MS4A14: variants seen among roughly 807,000 people sequenced by gnomAD.
MS4A14 encodes the protein membrane-spanning 4-domains subfamily A member 14.
A neutral mutation model predicts 16.7 loss-of-function variants in MS4A14; 18 were observed. That is an observed-to-expected ratio of 1.08 (90% CI 0.75 to 1.60). The LOEUF is 1.60. MS4A14 is among the 40% of genes most tolerant of loss of function. The probability of loss-of-function intolerance (pLI) is 0.00; values close to 1 mark genes in which losing one functional copy is unlikely to be tolerated. For synonymous variants in MS4A14, 305 were observed against 289.4 expected (o/e 1.05, Z -0.55); for missense variants, 812 against 775.3 (o/e 1.05, Z -0.56).
At position 60,402,175 on chromosome 11, in the gene MS4A14, C is replaced by T. The variant is rs547394732; in HGVS notation, c.319-737C>T. On this transcript the variant is annotated intron_variant, in intron 3 of 4. Transcript: ENST00000300187. ...ATACCTACCCCACCCACCCACACCC[C>T]CCTCCAAAAAAATAAGAATGAATAA... Among the ~76,000 whole-genome samples, 12 of 152,032 alleles carry T rather than the reference C, an allele frequency of 7.9e-5. No homozygotes were observed. The South Asian group carries it at 2.5e-3, about 32-fold the overall frequency.
At chr11:60,403,624 A>C (rs1308692429) in intron 4 of MS4A14, among the ~76,000 whole-genome samples, 2 of 152,238 alleles carry the variant, frequency 1.3e-5, no homozygotes, top group Admixed American at 6.5e-5. Context: ...AAAGCAGATG[A>C]GAGATCTTTT....
Position 60,396,635 on chromosome 11 carries a change from C to T in MS4A14, c.57C>T (p.Asn19=), listed in dbSNP as rs758596032. The T allele has an allele frequency of 2.9e-5, 46 of 1,613,900 alleles. No homozygotes were observed. The highest frequency in any genetic ancestry group is 3.4e-5 in the Non-Finnish European group (40 of 1,179,966). ...RATHVITIKP[N]ETVLTAFPYR... is the part of the protein sequence containing the mutation. ...CTCACGTCATCACTATAAAACCAAA[C>T]GAAACTGTATTGACTGCATTTCCCT... The change falls in exon 1 of 5, where the codon AAC becomes AAT. Residue 19 remains asparagine, a synonymous_variant. Transcript: ENST00000300187.
chr11:60,398,129 T>TACTAG, intron 2 of MS4A14, 149 bp downstream of exon 2: 1 of 679,556 alleles, frequency 1.5e-6, no homozygotes, highest in Admixed American at 3.0e-5. Context: ...GCAACTCCAT[T>TACTAG]TGGTCACTGC....
intron 4 of MS4A14, chr11:60,406,035 C>T: frequency 8.3e-7 from 1 of 1,204,810 alleles, no homozygotes; most frequent in Non-Finnish European, 1.1e-6. Context: ...GGTTCCTGTT[C>T]CTGTTGGGAT....
Position 60,416,649 on chromosome 11 carries a change from C to T in MS4A14, c.1681C>T (p.Leu561Phe). The change falls in exon 5 of 5, where the codon CTC becomes TTC. Residue 561 changes from leucine to phenylalanine, a missense_variant. Physicochemically the swap from Leu to Phe is conservative, Grantham distance 22 (BLOSUM62 0). Transcript: ENST00000300187. ...QAQLNQTKEQ[L>F]PDQQAEDQQA... is the part of the protein sequence containing the mutation. ...TCAACTTAATCAAACTAAAGAGCAA[C>T]TCCCAGATCAGCAAGCTGAAGATCA... 6.2e-7 allele frequency: 1 copy of T among 1,613,860 alleles called. No homozygotes were observed. The highest frequency in any genetic ancestry group is 8.5e-7 in the Non-Finnish European group (1 of 1,179,958).
Position 60,416,510 on chromosome 11 carries a change from G to T in MS4A14, c.1542G>T (p.Lys514Asn). 1 of 1,613,808 alleles carries T rather than the reference G, an allele frequency of 6.2e-7. No homozygotes were observed. Among genetic ancestry groups the T allele is most frequent in the Non-Finnish European group, 8.5e-7 (1 of 1,179,912 alleles). Residue 514 changes from lysine (K) to asparagine (N), a missense_variant, in exon 5 of 5, where the codon AAG (lysine) becomes AAT (asparagine). Lys to Asn is a moderately conservative substitution (Grantham distance 94). Coordinates refer to ENST00000300187, the MANE Select transcript of MS4A14 (RefSeq NM_032597.5). ...DVQAKGQKSS[K>N]RHSLDQQSKG... ...AAGCCAAAGGCCAGAAATCCTCAAA[G>T]AGGCATTCCTTAGATCAGCAAAGCA...
Position 60,416,655 on chromosome 11 carries a change from G to C in MS4A14, c.1687G>C (p.Asp563His). 6.2e-7 allele frequency: 1 copy of C among 1,613,752 alleles called. No individual in the cohort carries two copies. Among genetic ancestry groups the C allele is most frequent in the Non-Finnish European group, 8.5e-7 (1 of 1,179,928 alleles). The change falls in exon 5 of 5, where the codon GAT becomes CAT. Residue 563 changes from aspartate to histidine, a missense_variant. Coordinates refer to ENST00000300187, the MANE Select transcript of MS4A14 (RefSeq NM_032597.5). Reference protein sequence around the residue: ...QLNQTKEQLPDQQAEDQQAKG... With the variant: ...QLNQTKEQLPHQQAEDQQAKG... ...TAATCAAACTAAAGAGCAACTCCCA[G>C]ATCAGCAAGCTGAAGATCAGCAAGC...
intron 2 of MS4A14, 45 bp downstream of exon 2, chr11:60,398,025 T>C (rs2085655823): frequency 6.2e-7 from 1 of 1,604,174 alleles, no homozygotes; most frequent in African/African-American, 1.3e-5. Flanking sequence ...GCTATAAAGA[T>C]AGATTTGAAC....
At chr11:60,413,783 G>A (rs73481219) in intron 4 of MS4A14, among the ~76,000 whole-genome samples, 9,605 of 152,068 alleles carry the variant, frequency 0.063, 347 homozygotes, top group South Asian at 0.19. Flanking sequence ...CTACATTTAC[G>A]GAGAAATTTC....
intron 4 of MS4A14, among the ~76,000 whole-genome samples, chr11:60,412,500 C>A (rs2085882596): frequency 6.6e-6 from 1 of 151,780 alleles, no homozygotes; most frequent in Admixed American, 6.6e-5. Flanking sequence ...TATACAGTAT[C>A]TGATTTCTTG....
intron 4 of MS4A14, chr11:60,405,786 G>A (rs1337674814): frequency 2.5e-6 from 2 of 793,258 alleles, no homozygotes; most frequent in African/African-American, 3.5e-5. Flanking sequence ...CCAAAATATG[G>A]GTTTCCCATA....
rs2085950246 is a variant in MS4A14, at chr11:60,416,653, C to T, written c.1685C>T (p.Pro562Leu). The T allele has an allele frequency of 1.2e-6, 2 of 1,613,792 alleles. No individual in the cohort carries two copies. The highest frequency in any genetic ancestry group is 2.7e-5 in the African/African-American group (2 of 74,984). Reference protein sequence around the residue: ...AQLNQTKEQLPDQQAEDQQAK... With the variant: ...AQLNQTKEQLLDQQAEDQQAK... ...CTTAATCAAACTAAAGAGCAACTCC[C>T]AGATCAGCAAGCTGAAGATCAGCAA... is the stretch of plus-strand genomic sequence containing the variant. The change falls in exon 5 of 5, where the codon CCA becomes CTA. Residue 562 changes from proline (P) to leucine (L), a missense_variant. Coordinates refer to ENST00000300187, the MANE Select transcript of MS4A14 (RefSeq NM_032597.5).
rs761288448 is a variant in MS4A14, at chr11:60,416,122, T to G, written c.1154T>G (p.Met385Arg). The G allele has an allele frequency of 9.9e-6, 16 of 1,609,948 alleles. No homozygotes were observed. The highest frequency in any genetic ancestry group is 1.3e-5 in the Non-Finnish European group (15 of 1,178,068). ...TCCCAAGATATGCAATCCCTAGATA[T>G]GCTATCTCAAGACACACCATCCCAC... Reference protein sequence around the residue: ...MTSQDMQSLDMLSQDTPSHAM... With the variant: ...MTSQDMQSLDRLSQDTPSHAM... Residue 385 changes from methionine (M) to arginine (R), a missense_variant, in exon 5 of 5, where the codon ATG (methionine) becomes AGG (arginine). Transcript: ENST00000300187.
chr11:60,407,233 C>A (rs1378979803), intron 4 of MS4A14, among the ~76,000 whole-genome samples: 4 of 152,010 alleles, frequency 2.6e-5, no homozygotes, highest in Non-Finnish European at 4.4e-5. Context: ...GTTGCCCAGG[C>A]TGCTCTCAAA....
chr11:60,398,093 A>AG (rs1387847755), intron 2 of MS4A14, 113 bp downstream of exon 2: 1 of 1,152,816 alleles, frequency 8.7e-7, no homozygotes, highest in African/African-American at 1.6e-5. Flanking sequence ...AGACCAAAAA[A>AG]GGCAGCTCCC....
rs770552307 is a variant in MS4A14, at chr11:60,416,376, G to A, written c.1408G>A (p.Glu470Lys). Reference protein sequence around the residue: ...IRSEVMEETKEWKSEEELHRR... With the variant: ...IRSEVMEETKKWKSEEELHRR... ...ATCAGAAGTTATGGAAGAGACCAAA[G>A]AATGGAAATCTGAGGAGGAACTCCA... The change falls in exon 5 of 5, where the codon GAA becomes AAA. Residue 470 changes from glutamate to lysine, a missense_variant. Physicochemically the swap from Glu to Lys is moderately conservative, Grantham distance 56. Transcript: ENST00000300187. The A allele has an allele frequency of 6.2e-7, 1 of 1,613,976 alleles. No homozygotes were observed. Among genetic ancestry groups the A allele is most frequent in the Non-Finnish European group, 8.5e-7 (1 of 1,179,958 alleles).
Position 60,416,295 on chromosome 11 carries a change from GA to G in MS4A14, c.1331del (p.Asn444ThrfsTer45). The G allele has an allele frequency of 1.2e-6, 2 of 1,613,902 alleles. No homozygotes were observed. Among genetic ancestry groups the G allele is most frequent in the Non-Finnish European group, 1.7e-6 (2 of 1,179,940 alleles). On this transcript the variant is annotated frameshift_variant, in exon 5 of 5. Coordinates refer to ENST00000300187, the MANE Select transcript of MS4A14 (RefSeq NM_032597.5). LOFTEE classifies it low-confidence loss of function (END_TRUNC). ...TCAGCAGCCCCCAGATCTTCAACCA[GA>G]AAACACTGAACCTCAAAACCAGCAA... The part of the protein sequence containing the change: ...LLQQPPDLQP[E>X]NTEPQNQQIL...
rs1313088917 is a variant in MS4A14 at position 60,415,985 on chromosome 11, T to G, written c.1017T>G (p.Ser339=). Residue 339 remains serine (S), a synonymous_variant, in exon 5 of 5, where the codon TCT becomes TCG. Coordinates refer to ENST00000300187, the MANE Select transcript of MS4A14 (RefSeq NM_032597.5). ...CAGAACAAACCATGCCATCTAAGTC[T>G]ACATCATCCCATGTCAAACAGTCTT... is the stretch of plus-strand genomic sequence containing the variant. ...GLSEQTMPSK[S]TSSHVKQSSN... is the part of the protein sequence containing the mutation. The G allele has an allele frequency of 6.2e-7, 1 of 1,613,964 alleles. No homozygotes were observed. Among genetic ancestry groups the G allele is most frequent in the Admixed American group, 1.7e-5 (1 of 59,954 alleles).
rs199805024 is a variant in MS4A14 at position 60,416,512 on chromosome 11, G to A, written c.1544G>A (p.Arg515Lys). Residue 515 changes from arginine to lysine, a missense_variant, in exon 5 of 5, where the codon AGG becomes AAG. Physicochemically the swap from Arg to Lys is conservative, Grantham distance 26. Coordinates refer to ENST00000300187, the MANE Select transcript of MS4A14 (RefSeq NM_032597.5). ...GCCAAAGGCCAGAAATCCTCAAAGAGGCATTCCTTAGATCAGCAAAGCAAA... is the reference window on the plus strand; with the variant it reads ...GCCAAAGGCCAGAAATCCTCAAAGAAGCATTCCTTAGATCAGCAAAGCAAA... Reference protein sequence around the residue: ...VQAKGQKSSKRHSLDQQSKGW... With the variant: ...VQAKGQKSSKKHSLDQQSKGW... 6.2e-6 allele frequency: 10 copies of A among 1,613,818 alleles called. No individual in the cohort carries two copies. Among genetic ancestry groups the A allele is most frequent in the Non-Finnish European group, 4.2e-6 (5 of 1,179,920 alleles).
Sources: gnomAD v4.1 joint callset for allele counts (sites outside exome capture counted in the v4.1 genomes callset) on GRCh38, gnomAD v4.1.1 for gene constraint, MANE v1.5 for transcripts, NCBI Gene and HGNC (gene_info 2026-07-23, HGNC 2026-07-21) for gene names.